The following RIMS1 variants were observed in gnomAD, a reference collection of about 807,000 sequenced individuals.
RIMS1 encodes regulating synaptic membrane exocytosis protein 1.
RIMS1 carries 83 observed loss-of-function variants against 214.1 expected under a neutral mutation model. That is an observed-to-expected ratio of 0.39 (90% CI 0.32 to 0.47). The LOEUF is 0.47. Among genes scored for constraint, RIMS1 ranks in the 20% least tolerant of loss-of-function variants. The pLI, the probability that RIMS1 is intolerant of heterozygous loss-of-function variation, is 0.99. For synonymous variants in RIMS1, 793 were observed against 786.8 expected, an observed-to-expected ratio of 1.01 and a Z score of -0.13; for missense variants, 2,050 against 2,161.8, an observed-to-expected ratio of 0.95 and a Z score of 1.03.
In RIMS1 at chr6:72,148,601, A is replaced by C. The variant is rs923747813; in HGVS notation, c.472-30974A>C. ...CCTCATCTATGCCATGGATACGAGC[A>C]TGACCTCCTTCCATGAAGTGGGGAG... On this transcript the variant is annotated intron_variant, in intron 4 of 33. Transcript: ENST00000521978. The C allele has an allele frequency of 4.6e-5, 21 of 456,772 alleles. No homozygotes were observed. The Admixed American group carries it at 4.9e-4, about 11-fold the overall frequency. 28.3% of individuals were successfully genotyped at this position (456,772 alleles called of 1,614,324 possible).
intron 2 of RIMS1, among the ~76,000 whole-genome samples, chr6:72,026,132 G>A (rs750224181): frequency 3.3e-5 from 5 of 152,150 alleles, no homozygotes; most frequent in African/African-American, 4.8e-5. Context: ...CATAGAGCCC[G>A]AATTTTACAG....
intron 24 of RIMS1, among the ~76,000 whole-genome samples, chr6:72,284,385 C>T (rs1007480622): frequency 6.6e-6 from 1 of 152,074 alleles, no homozygotes; most frequent in Non-Finnish European, 1.5e-5. Flanking sequence ...AGGATTAAAT[C>T]CATACTCATT....
intron 22 of RIMS1, among the ~76,000 whole-genome samples, chr6:72,268,792 A>G (rs1418264082): frequency 6.6e-6 from 1 of 152,198 alleles, no homozygotes; most frequent in Non-Finnish European, 1.5e-5. Context: ...CAGATGGAAA[A>G]CATGCTTATG....
At chr6:71,897,878 C>G (rs1460529374) in intron 1 of RIMS1, among the ~76,000 whole-genome samples, 1 of 152,060 alleles carries the variant, frequency 6.6e-6, no homozygotes, top group Non-Finnish European at 1.5e-5. Flanking sequence ...AGGAGTCACC[C>G]AGGGCTGCTA....
At chr6:71,952,892 T>C (rs909316818) in intron 1 of RIMS1, among the ~76,000 whole-genome samples, 5 of 152,092 alleles carry the variant, frequency 3.3e-5, no homozygotes, top group African/African-American at 1.2e-4. Flanking sequence ...AAGCTGCAGA[T>C]TGGGCTCAGA....
intron 29 of RIMS1, among the ~76,000 whole-genome samples, chr6:72,361,306 A>C (rs1328772924): frequency 6.6e-6 from 1 of 151,342 alleles, no homozygotes; most frequent in Non-Finnish European, 1.5e-5. Context: ...GGGTTTCACC[A>C]TGTTGGCCAG....
chr6:72,171,590 T>C (rs1562488129), intron 4 of RIMS1, among the ~76,000 whole-genome samples: 1 of 152,174 alleles, frequency 6.6e-6, no homozygotes, highest in Non-Finnish European at 1.5e-5. Flanking sequence ...CTCAGTGAGA[T>C]AGGAACTATT....
intron 6 of RIMS1, among the ~76,000 whole-genome samples, chr6:72,199,016 G>T (rs2051467334): frequency 6.6e-6 from 1 of 151,936 alleles, no homozygotes; most frequent in Admixed American, 6.6e-5. Flanking sequence ...GAAATTCAAT[G>T]CAAGGAAGTC....
intron 28 of RIMS1, among the ~76,000 whole-genome samples, chr6:72,323,719 A>G (rs1440350049): frequency 1.3e-5 from 2 of 152,046 alleles, no homozygotes; most frequent in East Asian, 3.9e-4. Flanking sequence ...ACAAATCTGA[A>G]ATCTTTACAT....
At chr6:72,093,205 T>A (rs943508255) in intron 2 of RIMS1, among the ~76,000 whole-genome samples, 31 of 143,138 alleles carry the variant, frequency 2.2e-4, no homozygotes, top group African/African-American at 7.7e-4. Context: ...AGCATATGTA[T>A]GTGAGTATAT....
chr6:72,123,938 T>G (rs1479261844), intron 4 of RIMS1, among the ~76,000 whole-genome samples: 1 of 151,934 alleles, frequency 6.6e-6, no homozygotes, highest in Non-Finnish European at 1.5e-5. Flanking sequence ...TTTGCCAGTC[T>G]GTGTCTTTTA....
intron 1 of RIMS1, among the ~76,000 whole-genome samples, chr6:71,902,692 G>A (rs189684518): frequency 9.2e-5 from 14 of 151,902 alleles, no homozygotes; most frequent in East Asian, 3.9e-4. Flanking sequence ...CCCTGCCCCC[G>A]ACAGGCCCCA....
intron 31 of RIMS1, among the ~76,000 whole-genome samples, chr6:72,397,414 T>C (rs1216125478): frequency 6.6e-6 from 1 of 152,210 alleles, no homozygotes; most frequent in Non-Finnish European, 1.5e-5. Context: ...ATTTTTTTGA[T>C]ACTGATATTA....
At chr6:71,914,097 T>C (rs566002397) in intron 1 of RIMS1, among the ~76,000 whole-genome samples, 2 of 152,310 alleles carry the variant, frequency 1.3e-5, no homozygotes, top group Admixed American at 6.5e-5. Flanking sequence ...TTTTCCTGTT[T>C]CAGGATGAAT....
intron 29 of RIMS1, among the ~76,000 whole-genome samples, chr6:72,341,753 G>A (rs2097101340): frequency 6.6e-6 from 1 of 151,772 alleles, no homozygotes; most frequent in Non-Finnish European, 1.5e-5. Context: ...AGGTAGTGGG[G>A]AGACAAATTG....
At chr6:72,285,444 G>A (rs1038563149) in intron 24 of RIMS1, among the ~76,000 whole-genome samples, 1 of 152,222 alleles carries the variant, frequency 6.6e-6, no homozygotes, top group African/African-American at 2.4e-5. Context: ...TCCAGAGGAT[G>A]TTAACACTGA....
At chr6:71,889,928 C>T (rs748973968) in intron 1 of RIMS1, among the ~76,000 whole-genome samples, 3 of 152,126 alleles carry the variant, frequency 2.0e-5, no homozygotes, top group African/African-American at 4.8e-5. Context: ...TCTGGCAATA[C>T]GGCAATTAGA....
At chr6:71,900,630 T>C (rs1398241750) in intron 1 of RIMS1, among the ~76,000 whole-genome samples, 2 of 152,046 alleles carry the variant, frequency 1.3e-5, no homozygotes, top group African/African-American at 4.8e-5. Flanking sequence ...ACAACTGTTA[T>C]TGTTGTTTTA....
At chr6:71,922,549 A>G (rs1049806270) in intron 1 of RIMS1, among the ~76,000 whole-genome samples, 9 of 152,230 alleles carry the variant, frequency 5.9e-5, no homozygotes, top group Non-Finnish European at 8.8e-5. Context: ...CAAAGACAAA[A>G]CAAAACAAAA....
Sources: allele counts gnomAD v4.1 joint callset (sites outside exome capture counted in the v4.1 genomes callset), GRCh38; gene constraint gnomAD v4.1.1; transcripts MANE v1.5; gene names NCBI Gene and HGNC (gene_info 2026-07-23, HGNC 2026-07-21).